Variants in KCNQ1 observed in about 807,000 individuals in gnomAD.
The protein encoded by KCNQ1 is potassium voltage-gated channel subfamily KQT member 1.
A neutral mutation model predicts 72.4 loss-of-function variants in KCNQ1; 49 were observed. The observed-to-expected ratio is 0.68, with a 90% CI of 0.54 to 0.86. KCNQ1 has a LOEUF of 0.86. KCNQ1 is among the 40% of genes least tolerant of loss of function. The pLI is 0.00. For missense variants in KCNQ1, 790 were observed against 945.1 expected, an observed-to-expected ratio of 0.84 and a Z score of 2.15; for synonymous variants, 450 against 412.6, an observed-to-expected ratio of 1.09 and a Z score of -1.10.
intron 1 of KCNQ1, among the ~76,000 whole-genome samples, chr11:2,448,112 C>T (rs1846071613): frequency 6.6e-6 from 1 of 152,260 alleles, no homozygotes; most frequent in Non-Finnish European, 1.5e-5. Context: ...TCCATACAGC[C>T]CTGCTGCACC....
chr11:2,482,135 C>T lies in KCNQ1; in HGVS notation c.386+36651C>T, dbSNP rs1352283585. ...GATTGAATGAACTCATTGTCCAGCACCCTTAGCTTCTTGCCAGCTCAGGAA... is the reference window on the plus strand; with the variant it reads ...GATTGAATGAACTCATTGTCCAGCATCCTTAGCTTCTTGCCAGCTCAGGAA... On this transcript the variant is annotated intron_variant, in intron 1 of 15. Transcript: ENST00000155840. The surrounding 1 kb of genome is among the most constrained non-coding windows in gnomAD (Gnocchi z 5.7). Among the ~76,000 whole-genome samples, 2 of 152,186 alleles carry T rather than the reference C, an allele frequency of 1.3e-5. No homozygotes were observed. Among genetic ancestry groups the T allele is most frequent in the African/African-American group, 4.8e-5 (2 of 41,434 alleles).
chr11:2,624,817 A>G lies in KCNQ1; in HGVS notation c.1393+35963A>G. ...CTGATTTGACTATTCTACATACCTCATATAAGTGGAAACATACAGTACTTC... is the reference window on the plus strand; with the variant it reads ...CTGATTTGACTATTCTACATACCTCGTATAAGTGGAAACATACAGTACTTC... On this transcript the variant is annotated intron_variant, in intron 10 of 15. Coordinates refer to ENST00000155840, the MANE Select transcript of KCNQ1 (RefSeq NM_000218.3). The surrounding 1 kb of genome is among the most constrained non-coding windows in gnomAD (Gnocchi z 4.9). 2.5e-6 allele frequency: 1 copy of G among 398,552 alleles called. No homozygotes were observed. The highest frequency in any genetic ancestry group is 4.4e-6 in the Non-Finnish European group (1 of 226,030). The allele number at this position is 398,552 out of a possible 1,614,324, so 24.7% of individuals were successfully genotyped here.
rs550346371 is a variant in KCNQ1, at chr11:2,567,675, G to C, written c.478-2953G>C. Among the ~76,000 whole-genome samples, 11 of 152,330 alleles carry C rather than the reference G, an allele frequency of 7.2e-5. No individual in the cohort carries two copies. The highest frequency in any genetic ancestry group is 2.4e-4 in the African/African-American group (10 of 41,568). ...CAGCCTAATTAACCTGACAAGCGGGGCCTCCCCAGCCATGCAGCCTTGCAC... is the reference window on the plus strand; with the variant it reads ...CAGCCTAATTAACCTGACAAGCGGGCCCTCCCCAGCCATGCAGCCTTGCAC... On this transcript the variant is annotated intron_variant, in intron 2 of 15. Coordinates refer to ENST00000155840, the MANE Select transcript of KCNQ1 (RefSeq NM_000218.3). This position sits in a 1 kb window ranked among gnomAD's most constrained non-coding sequence, Gnocchi z 6.6.
At position 2,460,561 on chromosome 11, in the gene KCNQ1, G is replaced by A. The variant is rs538281978; in HGVS notation, c.386+15077G>A. Among the ~76,000 whole-genome samples the A allele has an allele frequency of 2.0e-5, 3 of 148,452 alleles. No homozygotes were observed. The South Asian group carries it at 6.3e-4, about 31-fold the overall frequency. ...CCACAGTAGAAAGGCTCCAGTCTGTGTCCATGTGTTTTGGAGGCCTCTCAG... is the reference window on the plus strand; with the variant it reads ...CCACAGTAGAAAGGCTCCAGTCTGTATCCATGTGTTTTGGAGGCCTCTCAG... On this transcript the variant is annotated intron_variant, in intron 1 of 15. Transcript: ENST00000155840.
Position 2,669,557 on chromosome 11 carries a change from C to T in KCNQ1, c.1514+7476C>T, listed in dbSNP as rs749075325. On this transcript the variant is annotated intron_variant, in intron 11 of 15. Coordinates refer to ENST00000155840, the MANE Select transcript of KCNQ1 (RefSeq NM_000218.3). This position sits in a 1 kb window ranked among gnomAD's most constrained non-coding sequence, Gnocchi z 5.6. The stretch of plus-strand genomic sequence containing the variant: ...TCCAGGGACAAGGTCTGTCAGGGAG[C>T]CCTGGCCAGCTTGGGTCATTTCATC... 40 of 398,502 alleles carry T rather than the reference C, an allele frequency of 1.0e-4. No individual in the cohort carries two copies. Among genetic ancestry groups the T allele is most frequent in the Non-Finnish European group, 1.5e-4 (34 of 226,092 alleles). The allele number at this position is 398,502 out of a possible 1,614,324, so 24.7% of individuals were successfully genotyped here.
In KCNQ1 at chr11:2,613,924, CT is replaced by C. The variant is rs1339789830; in HGVS notation, c.1393+25074del. ...AAAAAAGTACTATTCTGTATATGCC[CT>C]TTTGAACTTTGCTTTTCTCACCTAA... On this transcript the variant is annotated intron_variant, in intron 10 of 15. Coordinates refer to ENST00000155840, the MANE Select transcript of KCNQ1 (RefSeq NM_000218.3). This position sits in a 1 kb window ranked among gnomAD's most constrained non-coding sequence, Gnocchi z 4.8. The C allele has an allele frequency of 5.0e-6, 2 of 398,434 alleles. No individual in the cohort carries two copies. The highest frequency in any genetic ancestry group is 8.8e-6 in the Non-Finnish European group (2 of 226,044). The allele number at this position is 398,434 out of a possible 1,614,324, so 24.7% of individuals were successfully genotyped here.
chr11:2,551,872 T>G (rs2133694769), intron 2 of KCNQ1, among the ~76,000 whole-genome samples: 1 of 152,380 alleles, frequency 6.6e-6, no homozygotes, highest in South Asian at 2.1e-4. Context: ...ATATTTGCCA[T>G]TCATATATCT....
rs1564853033 is a variant in KCNQ1 at position 2,671,797 on chromosome 11, TC to T, written c.1514+9721del. On this transcript the variant is annotated intron_variant, in intron 11 of 15. Transcript: ENST00000155840. The surrounding 1 kb of genome is among the most constrained non-coding windows in gnomAD (Gnocchi z 4.7). ...ATCATTCTGACCCAGTCAGGGTTCT[TC>T]CCCCAAATAAATCCCTGCAACCCCA... 1 of 398,670 alleles carries T rather than the reference TC, an allele frequency of 2.5e-6. No individual in the cohort carries two copies. The highest frequency in any genetic ancestry group is 4.4e-6 in the Non-Finnish European group (1 of 226,130). 24.7% of individuals were successfully genotyped at this position (398,670 alleles called of 1,614,324 possible).
chr11:2,756,951 TAAAAAAAAA>T (rs58284663), intron 11 of KCNQ1, among the ~76,000 whole-genome samples: 16,277 of 52,002 alleles, frequency 0.31, 1,627 homozygotes, highest in Middle Eastern at 0.42. Context: ...AAGAGCATCT[TAAAAAAAAA>T]AAAAAAAAAA....
chr11:2,655,812 A>C (rs1332011703), intron 10 of KCNQ1: 2 of 398,500 alleles, frequency 5.0e-6, no homozygotes, highest in Non-Finnish European at 8.8e-6. Context: ...CACAGTCTCC[A>C]ACACACAAGC....
At chr11:2,517,344 C>T (rs959374911) in intron 1 of KCNQ1, among the ~76,000 whole-genome samples, 2 of 152,140 alleles carry the variant, frequency 1.3e-5, no homozygotes, top group Non-Finnish European at 2.9e-5. Flanking sequence ...TGGGAAGCTC[C>T]TGGGACACCC....
chr11:2,480,492 A>G (rs1198722648), intron 1 of KCNQ1, among the ~76,000 whole-genome samples: 1 of 152,258 alleles, frequency 6.6e-6, no homozygotes, highest in Non-Finnish European at 1.5e-5. Context: ...ATCAGATCTC[A>G]TGAGACTTAA....
At chr11:2,634,320 TCCC>T (rs1195451890) in intron 10 of KCNQ1, 2 of 165,106 alleles carry the variant, frequency 1.2e-5, no homozygotes, top group Non-Finnish European at 2.1e-5. Flanking sequence ...CCCTCCCCCC[TCCC>T]CCCTCCCCCC....
intron 11 of KCNQ1, among the ~76,000 whole-genome samples, chr11:2,726,165 CA>C (rs1845758300): frequency 6.6e-6 from 1 of 152,212 alleles, no homozygotes; most frequent in Admixed American, 6.5e-5. Flanking sequence ...AGATTGCTTC[CA>C]GCTGGCCAGG....
At chr11:2,460,681 C>G (rs1162288950) in intron 1 of KCNQ1, among the ~76,000 whole-genome samples, 1 of 152,232 alleles carries the variant, frequency 6.6e-6, no homozygotes, top group Non-Finnish European at 1.5e-5. Context: ...CTGGGGAACG[C>G]TGGGGACTCC....
rs1404046303 is a variant in KCNQ1, at chr11:2,563,783, C to T, written c.478-6845C>T. Reference sequence around the variant, plus strand: ...GTGTTTTTCCACCCAGGGCCCTTTGCACTGCCTGCTATTTGTTTTCTGTCT... The same window carrying T: ...GTGTTTTTCCACCCAGGGCCCTTTGTACTGCCTGCTATTTGTTTTCTGTCT... On this transcript the variant is annotated intron_variant, in intron 2 of 15. Transcript: ENST00000155840. This position sits in a 1 kb window ranked among gnomAD's most constrained non-coding sequence, Gnocchi z 7.4. Among the ~76,000 whole-genome samples the T allele has an allele frequency of 6.6e-6, 1 of 152,216 alleles. No individual in the cohort carries two copies. Among genetic ancestry groups the T allele is most frequent in the Non-Finnish European group, 1.5e-5 (1 of 68,046 alleles).
chr11:2,658,961 T>C lies in KCNQ1; in HGVS notation c.1394-3000T>C. ...GAGTGTTTAGGACAGACTTTTGCTT[T>C]AACCATAGAGTGTCCAGTCAAAACA... is the stretch of plus-strand genomic sequence containing the variant. On this transcript the variant is annotated intron_variant, in intron 10 of 15. Coordinates refer to ENST00000155840, the MANE Select transcript of KCNQ1 (RefSeq NM_000218.3). The surrounding 1 kb of genome is among the most constrained non-coding windows in gnomAD (Gnocchi z 4.9). The C allele has an allele frequency of 7.5e-6, 3 of 398,598 alleles. No homozygotes were observed. Among genetic ancestry groups the C allele is most frequent in the Non-Finnish European group, 8.8e-6 (2 of 226,040 alleles). 24.7% of individuals were successfully genotyped at this position (398,598 alleles called of 1,614,324 possible).
At chr11:2,716,683 C>T (rs952487153) in intron 11 of KCNQ1, among the ~76,000 whole-genome samples, 1 of 152,254 alleles carries the variant, frequency 6.6e-6, no homozygotes, top group Non-Finnish European at 1.5e-5. Flanking sequence ...CCAGAGACTC[C>T]AGATTCCCCA....
At chr11:2,532,746 G>A (rs1353834428) in intron 2 of KCNQ1, among the ~76,000 whole-genome samples, 2 of 152,210 alleles carry the variant, frequency 1.3e-5, no homozygotes, top group Non-Finnish European at 2.9e-5. Flanking sequence ...GCACAGGGCT[G>A]TGGGGATCAG....
Sources: allele counts gnomAD v4.1 joint callset (sites outside exome capture counted in the v4.1 genomes callset), GRCh38; gene constraint gnomAD v4.1.1; non-coding constraint Gnocchi (gnomAD v3.1); transcripts MANE v1.5; gene names NCBI Gene and HGNC (gene_info 2026-07-23, HGNC 2026-07-21).